The following RBFOX1 variants were observed in gnomAD, a reference collection of about 807,000 sequenced individuals.
RBFOX1 encodes the protein RNA binding protein fox-1 homolog 1.
A neutral mutation model predicts 57.7 loss-of-function variants in RBFOX1; 8 were observed. The ratio of observed to expected loss-of-function variants is 0.14; its 90% CI spans 0.08 to 0.25. The LOEUF is 0.25. RBFOX1 is among the 10% of genes least tolerant of loss of function. The pLI is 1.00. For synonymous variants in RBFOX1, 326 were observed against 222.4 expected, an observed-to-expected ratio of 1.47 and a Z score of -4.15; for missense variants, 611 against 548.5, an observed-to-expected ratio of 1.11 and a Z score of -1.14.
intron 4 of RBFOX1, among the ~76,000 whole-genome samples, chr16:7,505,279 A>G (rs542717803): frequency 1.3e-5 from 2 of 151,558 alleles, no homozygotes; most frequent in East Asian, 1.9e-4. Context: ...CAAGGTTCCT[A>G]TACTCATAGA....
intron 3 of RBFOX1, among the ~76,000 whole-genome samples, chr16:6,899,334 C>G (rs923046482): frequency 6.6e-6 from 1 of 152,132 alleles, no homozygotes; most frequent in Admixed American, 6.5e-5. Context: ...TCCTTGCATT[C>G]CATTTTCTAT....
At chr16:7,033,712 G>C (rs1320484045) in intron 3 of RBFOX1, among the ~76,000 whole-genome samples, 1 of 152,108 alleles carries the variant, frequency 6.6e-6, no homozygotes, top group Non-Finnish European at 1.5e-5. Context: ...AAGACATTTT[G>C]TCCGGGCGTG....
intron 3 of RBFOX1, among the ~76,000 whole-genome samples, chr16:6,952,035 G>GA (rs1415798672): frequency 6.6e-6 from 1 of 152,120 alleles, no homozygotes; most frequent in African/African-American, 2.4e-5. Context: ...GGCCACTGTT[G>GA]AAAAAAGTGG....
intron 3 of RBFOX1, among the ~76,000 whole-genome samples, chr16:5,671,523 G>C (rs1237668479): frequency 6.6e-6 from 1 of 152,188 alleles, no homozygotes; most frequent in Non-Finnish European, 1.5e-5. Context: ...AAAAACAATA[G>C]TATTAATTAG....
intron 2 of RBFOX1, among the ~76,000 whole-genome samples, chr16:5,538,619 CT>C (rs59757856): frequency 0.65 from 82,643 of 126,822 alleles, 24,825 homozygotes; most frequent in East Asian, 0.91. Context: ...TTTATTTCTT[CT>C]TTTTTTTTTT....
intron 1 of RBFOX1, among the ~76,000 whole-genome samples, chr16:5,254,548 A>T (rs1334310003): frequency 6.6e-6 from 1 of 152,188 alleles, no homozygotes; most frequent in Admixed American, 6.5e-5. Context: ...CTTCAGCTTC[A>T]GTTATGCAAA....
intron 1 of RBFOX1, among the ~76,000 whole-genome samples, chr16:6,082,597 C>T (rs6500750): frequency 0.61 from 92,605 of 151,582 alleles, 28,568 homozygotes; most frequent in African/African-American, 0.67. Flanking sequence ...CTCTTTATCC[C>T]CTTGACCAGG....
intron 1 of RBFOX1, among the ~76,000 whole-genome samples, chr16:6,307,531 C>T (rs1291815170): frequency 7.4e-6 from 1 of 135,694 alleles, no homozygotes; most frequent in Non-Finnish European, 1.6e-5. Flanking sequence ...TATATAATAT[C>T]ATTTAATATA....
At chr16:7,005,289 CATT>C (rs2093199796) in intron 3 of RBFOX1, among the ~76,000 whole-genome samples, 1 of 152,194 alleles carries the variant, frequency 6.6e-6, no homozygotes, top group African/African-American at 2.4e-5. Flanking sequence ...TACTTGCCTC[CATT>C]CCAGTCATCT....
intron 2 of RBFOX1, among the ~76,000 whole-genome samples, chr16:6,598,878 G>T (rs1010098710): frequency 2.6e-5 from 4 of 152,088 alleles, no homozygotes; most frequent in Admixed American, 6.6e-5. Flanking sequence ...TCCAGGAGAT[G>T]GAAGTTACAG....
intron 1 of RBFOX1, among the ~76,000 whole-genome samples, chr16:5,362,311 C>A (rs1376493669): frequency 2.0e-5 from 3 of 152,116 alleles, no homozygotes; most frequent in Non-Finnish European, 4.4e-5. Flanking sequence ...TTGCCTCAGC[C>A]TCCCGAGTGT....
intron 3 of RBFOX1, among the ~76,000 whole-genome samples, chr16:6,996,391 ATGTG>A (rs758505750): frequency 3.9e-5 from 6 of 152,092 alleles, no homozygotes; most frequent in Admixed American, 3.3e-4. Flanking sequence ...ATAAACATGT[ATGTG>A]TGTGCATGTA....
At chr16:6,237,073 G>A (rs145708537) in intron 1 of RBFOX1, among the ~76,000 whole-genome samples, 6 of 152,282 alleles carry the variant, frequency 3.9e-5, no homozygotes, top group African/African-American at 1.4e-4. Flanking sequence ...GAGTGTCTAA[G>A]GAAGTCTTCG....
intron 4 of RBFOX1, among the ~76,000 whole-genome samples, chr16:5,978,536 C>T (rs1340795571): frequency 1.3e-5 from 2 of 152,170 alleles, no homozygotes; most frequent in South Asian, 2.1e-4. Flanking sequence ...TCAGATCTCA[C>T]TGGTGTTTCC....
At chr16:6,998,954 C>T (rs145667072) in intron 3 of RBFOX1, among the ~76,000 whole-genome samples, 10,202 of 151,166 alleles carry the variant, frequency 0.067, 1,119 homozygotes, top group African/African-American at 0.23. Context: ...CTGTAACCTC[C>T]GCCTCCCAGG....
chr16:7,418,433 C>G (rs1041089692), intron 4 of RBFOX1, among the ~76,000 whole-genome samples: 2 of 152,192 alleles, frequency 1.3e-5, no homozygotes, highest in African/African-American at 4.8e-5. Flanking sequence ...AATGAGGTGA[C>G]CACTGCCCCT....
At chr16:6,395,003 A>T (rs2092764145) in intron 2 of RBFOX1, among the ~76,000 whole-genome samples, 1 of 152,226 alleles carries the variant, frequency 6.6e-6, no homozygotes, top group Admixed American at 6.5e-5. Flanking sequence ...GGAAAATGAT[A>T]ATCAGGGAAA....
chr16:6,278,518 T>G (rs748441134), intron 1 of RBFOX1, among the ~76,000 whole-genome samples: 2 of 151,196 alleles, frequency 1.3e-5, no homozygotes, highest in Non-Finnish European at 2.9e-5. Flanking sequence ...TTGGTGAATC[T>G]AAGTGGGCAC....
chr16:7,198,723 G>T (rs2087458176), intron 4 of RBFOX1, among the ~76,000 whole-genome samples: 1 of 152,168 alleles, frequency 6.6e-6, no homozygotes, highest in Non-Finnish European at 1.5e-5. Flanking sequence ...CACTGCAGCA[G>T]TAATGACTTT....
Sources: allele counts gnomAD v4.1 joint callset (sites outside exome capture counted in the v4.1 genomes callset), GRCh38; gene constraint gnomAD v4.1.1; transcripts MANE v1.5; gene names NCBI Gene and HGNC (gene_info 2026-07-23, HGNC 2026-07-21).